The following GLP2R variants were observed in gnomAD, a reference collection of about 807,000 sequenced individuals.
GLP2R encodes glucagon like peptide 2 receptor, also known as glucagon-like peptide 2 receptor.
In GLP2R, 59 loss-of-function variants were observed where a neutral mutation model predicts 68.2. The ratio of observed to expected loss-of-function variants is 0.87; its 90% CI spans 0.70 to 1.07. The LOEUF (loss-of-function observed/expected upper bound fraction) is 1.07, where lower values mean the gene tolerates loss of function less well. Among genes scored for constraint, GLP2R ranks in the 50% least tolerant of loss-of-function variants. The pLI, the probability that GLP2R is intolerant of heterozygous loss-of-function variation, is 0.00. For synonymous variants in GLP2R, 270 were observed against 265.4 expected (o/e 1.02, Z -0.17); for missense variants, 548 against 677.4 (o/e 0.81, Z 2.12).
intron 1 of GLP2R, among the ~76,000 whole-genome samples, chr17:9,830,570 T>C (rs1282157647): frequency 6.6e-6 from 1 of 152,242 alleles, no homozygotes; most frequent in Non-Finnish European, 1.5e-5. Flanking sequence ...TGTATCATTA[T>C]TATTACTTAT....
chr17:9,839,020 G>A (rs1260861030), intron 3 of GLP2R, among the ~76,000 whole-genome samples: 1 of 152,224 alleles, frequency 6.6e-6, no homozygotes, highest in Admixed American at 6.5e-5. Flanking sequence ...GACTGAGGCT[G>A]GGGGCTGATG....
intron 1 of GLP2R, among the ~76,000 whole-genome samples, chr17:9,829,486 G>A (rs900300523): frequency 4.6e-5 from 7 of 152,116 alleles, no homozygotes; most frequent in Admixed American, 2.0e-4. Context: ...CATCATTTAC[G>A]TCAGCAAACA....
At chr17:9,838,665 G>A (rs1233131143) in intron 3 of GLP2R, among the ~76,000 whole-genome samples, 1 of 152,226 alleles carries the variant, frequency 6.6e-6, no homozygotes, top group Admixed American at 6.5e-5. Context: ...CTTCTGGAAT[G>A]TGAAGGGAGT....
At chr17:9,864,173 G>C (rs2067012485) in intron 9 of GLP2R, among the ~76,000 whole-genome samples, 1 of 152,204 alleles carries the variant, frequency 6.6e-6, no homozygotes, top group African/African-American at 2.4e-5. Context: ...GGAGGGGCCT[G>C]AGTTGAAAAG....
intron 3 of GLP2R, among the ~76,000 whole-genome samples, chr17:9,838,955 G>T (rs1327725275): frequency 6.6e-6 from 1 of 152,226 alleles, no homozygotes; most frequent in Non-Finnish European, 1.5e-5. Flanking sequence ...GGAGCCTGCA[G>T]TGAGCCCACA....
At chr17:9,854,027 G>C (rs1294932935) in intron 4 of GLP2R, among the ~76,000 whole-genome samples, 6 of 152,200 alleles carry the variant, frequency 3.9e-5, no homozygotes, top group Non-Finnish European at 8.8e-5. Context: ...ATATTGCAAT[G>C]TTTCATTGAG....
At chr17:9,827,501 A>G (rs942989735) in intron 1 of GLP2R, among the ~76,000 whole-genome samples, 1 of 152,192 alleles carries the variant, frequency 6.6e-6, no homozygotes, top group Non-Finnish European at 1.5e-5. Context: ...TAATGTCTTT[A>G]ACTATCCTCT....
At chr17:9,871,724 T>C (rs1348199089) in intron 10 of GLP2R, among the ~76,000 whole-genome samples, 6 of 56,834 alleles carry the variant, frequency 1.1e-4, no homozygotes, top group African/African-American at 8.8e-4. Flanking sequence ...TTTCTTTCTT[T>C]TTTTTTTTTT....
chr17:9,833,718 T>A (rs982709039), intron 1 of GLP2R, 89 bp from the exon 2 acceptor site: 1 of 759,246 alleles, frequency 1.3e-6, no homozygotes, highest in African/African-American at 1.7e-5. Context: ...GGCACTTCAG[T>A]GGGAAGGTTG....
chr17:9,828,285 T>C (rs2066650503), intron 1 of GLP2R, among the ~76,000 whole-genome samples: 2 of 152,182 alleles, frequency 1.3e-5, no homozygotes, highest in Non-Finnish European at 2.9e-5. Flanking sequence ...GACCAGAACA[T>C]CCTTCAGGAA....
At chr17:9,847,436 T>C (rs1335724917) in intron 4 of GLP2R, among the ~76,000 whole-genome samples, 2 of 151,778 alleles carry the variant, frequency 1.3e-5, no homozygotes, top group East Asian at 3.9e-4. Context: ...CACCCGGCAA[T>C]GTTTTGTATT....
Position 9,842,626 on chromosome 17 carries a change from C to T in GLP2R, c.504+10C>T, listed in dbSNP as rs1248118878. ...CAGCTTCAAGCAAAACGTGAGTTTGCTCAGCTCAGTGAGGAGGCATCCAGG... is the reference window on the plus strand; with the variant it reads ...CAGCTTCAAGCAAAACGTGAGTTTGTTCAGCTCAGTGAGGAGGCATCCAGG... On this transcript the variant is annotated intron_variant, in intron 4 of 12. Transcript: ENST00000262441. 1 of 1,613,080 alleles carries T rather than the reference C, an allele frequency of 6.2e-7. No individual in the cohort carries two copies. The highest frequency in any genetic ancestry group is 1.3e-5 in the African/African-American group (1 of 75,012).
At chr17:9,830,634 G>C (rs1369328550) in intron 1 of GLP2R, among the ~76,000 whole-genome samples, 1 of 152,298 alleles carries the variant, frequency 6.6e-6, no homozygotes, top group East Asian at 1.9e-4. Context: ...GGGCACCACT[G>C]TGAACTCACA....
chr17:9,887,915 T>C lies in GLP2R; in HGVS notation c.1285-17T>C, dbSNP rs748001191. The C allele has an allele frequency of 1.2e-6, 2 of 1,602,398 alleles. No homozygotes were observed. The highest frequency in any genetic ancestry group is 1.7e-6 in the Non-Finnish European group (2 of 1,169,342). Reference sequence around the variant, plus strand: ...CTCCGGAGTCAGATTTTATGCCATGTCCTCCTTTTGTTTCAGGGGTTCCTG... The same window carrying C: ...CTCCGGAGTCAGATTTTATGCCATGCCCTCCTTTTGTTTCAGGGGTTCCTG... On this transcript the variant is annotated splice_polypyrimidine_tract_variant and intron_variant, in intron 11 of 12. Transcript: ENST00000262441.
At chr17:9,836,344 T>A (rs1192345250) in intron 2 of GLP2R, 27 bp from the exon 3 acceptor site, 4 of 1,456,352 alleles carry the variant, frequency 2.7e-6, no homozygotes, top group Middle Eastern at 1.7e-4. Flanking sequence ...AACACTGATG[T>A]TTATCAGACC....
chr17:9,869,546 G>A (rs77259156), intron 9 of GLP2R, among the ~76,000 whole-genome samples: 2,373 of 152,332 alleles, frequency 0.016, 30 homozygotes, highest in Non-Finnish European at 0.025. Flanking sequence ...AGCCAGGGCC[G>A]CAGCCATCTG....
chr17:9,843,022 A>ACCAC (rs2066802907), intron 4 of GLP2R, among the ~76,000 whole-genome samples: 1 of 30,002 alleles, frequency 3.3e-5, no homozygotes, highest in East Asian at 7.9e-4. Context: ...CCCCCGACCC[A>ACCAC]CCACCCACCA....
At position 9,836,053 on chromosome 17, in the gene GLP2R, A is replaced by G. The variant is rs1198709744; in HGVS notation, c.278-318A>G. On this transcript the variant is annotated intron_variant, in intron 2 of 12. Transcript: ENST00000262441. ...GACTCCATCTCCAAAAAAAAAAAAA[A>G]AAAAAAAGAAAGAAAGAAAGTTTAG... 3.3e-5 allele frequency among the ~76,000 whole-genome samples: 5 copies of G among 152,012 alleles called. No individual in the cohort carries two copies. In the East Asian group the frequency reaches 9.6e-4, roughly 29 times the overall value.
intron 4 of GLP2R, among the ~76,000 whole-genome samples, chr17:9,844,344 T>G (rs983419816): frequency 2.0e-5 from 3 of 152,112 alleles, no homozygotes; most frequent in Non-Finnish European, 4.4e-5. Flanking sequence ...TGTCAACACA[T>G]GAGTTAGTTA....
Sources: allele counts gnomAD v4.1 joint callset (sites outside exome capture counted in the v4.1 genomes callset), GRCh38; gene constraint gnomAD v4.1.1; transcripts MANE v1.5; gene names NCBI Gene and HGNC (gene_info 2026-07-23, HGNC 2026-07-21).